SPTBN5: variants seen among roughly 807,000 people sequenced by gnomAD.
SPTBN5 encodes the protein spectrin beta, non-erythrocytic 5, also known as spectrin beta chain, non-erythrocytic 5.
In SPTBN5, 513 loss-of-function variants were observed where a neutral mutation model predicts 477.6. That is an observed-to-expected ratio of 1.07 (90% CI 1.00 to 1.16). The LOEUF (loss-of-function observed/expected upper bound fraction) is 1.16, where lower values mean the gene tolerates loss of function less well. SPTBN5 is among the 50% of genes most tolerant of loss of function. The pLI is 0.00. For missense variants in SPTBN5, 5,062 were observed against 4,731.8 expected (o/e 1.07, Z -2.05); for synonymous variants, 2,169 against 2,011.7 (o/e 1.08, Z -2.09).
Position 41,893,144 on chromosome 15 carries a change from AG to A in SPTBN5, c.217-84del, listed in dbSNP as rs540201802. On this transcript the variant is annotated intron_variant, in intron 2 of 67. Coordinates refer to ENST00000320955, the MANE Select transcript of SPTBN5 (RefSeq NM_016642.4). ...CTGGGACCTGAGAGGTACGACCCAG[AG>A]CAGCTGCTTTGGAAGAAGGAGCTCT... is the stretch of plus-strand genomic sequence containing the variant. 1,906 of 1,572,398 alleles carry A rather than the reference AG, an allele frequency of 1.2e-3. 21 individuals carry two copies. Among genetic ancestry groups the A allele is most frequent in the South Asian group, 7.5e-3 (660 of 87,764 alleles).
intron 3 of SPTBN5, among the ~76,000 whole-genome samples, chr15:41,891,500 C>T (rs2067311589): frequency 6.6e-6 from 1 of 152,236 alleles, no homozygotes; most frequent in Non-Finnish European, 1.5e-5. Flanking sequence ...GCCTATCCTC[C>T]TGACTTCCTA....
chr15:41,883,992 T>C (rs1231958522), intron 7 of SPTBN5, among the ~76,000 whole-genome samples: 1 of 151,288 alleles, frequency 6.6e-6, no homozygotes, highest in Non-Finnish European at 1.5e-5. Flanking sequence ...TATTTTTTAT[T>C]TATTTATTTT....
chr15:41,852,776 G>GT, intron 60 of SPTBN5, 41 bp from the exon 61 acceptor site: 1 of 1,610,982 alleles, frequency 6.2e-7, no homozygotes, highest in African/African-American at 1.3e-5. Context: ...GCTTGGGGGG[G>GT]GGGGCCCAGA....
At position 41,883,139 on chromosome 15, in the gene SPTBN5, C is replaced by G. The variant is rs373646782; in HGVS notation, c.1749G>C (p.Ser583=). ...QRHDLLEAQV[S]AHGAHVSHLA... is the part of the protein sequence containing the mutation. Reference sequence around the variant, plus strand: ...GATGGCTCACATGGGCTCCGTGGGCCGAGACTTGAGCCTCCAGCAGGTCAT... The same window carrying G: ...GATGGCTCACATGGGCTCCGTGGGCGGAGACTTGAGCCTCCAGCAGGTCAT... The change falls in exon 9 of 68, where the codon TCG becomes TCC. Residue 583 remains serine (S), a synonymous_variant. Transcript: ENST00000320955. The G allele has an allele frequency of 6.1e-5, 99 of 1,612,690 alleles. No homozygotes were observed. The highest frequency in any genetic ancestry group is 1.3e-4 in the African/African-American group (10 of 75,064).
chr15:41,893,422 GTTC>G lies in SPTBN5; in HGVS notation c.73_75del (p.Glu25del). ...AGACTTGGACTGGGCGGGACCCGGA[GTTC>G]TGTGCTGGGCCTCCTGCTGCGGTGC... On this transcript the variant is annotated inframe_deletion, in exon 2 of 68. Transcript: ENST00000320955. 6.2e-7 allele frequency: 1 copy of G among 1,613,014 alleles called. No homozygotes were observed. Among genetic ancestry groups the G allele is most frequent in the Non-Finnish European group, 8.5e-7 (1 of 1,179,802 alleles).
intron 12 of SPTBN5, 61 bp downstream of exon 12, chr15:41,881,875 G>C: frequency 6.9e-7 from 1 of 1,452,788 alleles, no homozygotes; most frequent in Non-Finnish European, 9.1e-7. Context: ...TTTGTCCTCT[G>C]TGTGGCCCAG....
At chr15:41,867,505 T>C in intron 35 of SPTBN5, 33 bp downstream of exon 35, 4 of 1,602,252 alleles carry the variant, frequency 2.5e-6, no homozygotes, top group Non-Finnish European at 3.4e-6. Context: ...ACCACCACAC[T>C]CTGACCACGC....
chr15:41,848,800 C>T (rs4078788), intron 67 of SPTBN5, among the ~76,000 whole-genome samples, 172 bp from the exon 68 acceptor site: 8 of 152,142 alleles, frequency 5.3e-5, no homozygotes, highest in Admixed American at 2.0e-4. Context: ...CACAGTGACG[C>T]GTGAGTGGGT....
chr15:41,882,845 C>A, intron 9 of SPTBN5, 107 bp from the exon 10 acceptor site: 1 of 1,432,982 alleles, frequency 7.0e-7, no homozygotes, highest in South Asian at 1.4e-5. Context: ...TTTCTTTTCC[C>A]TGGATGACTC....
At chr15:41,883,839 A>C (rs2067060584) in intron 7 of SPTBN5, among the ~76,000 whole-genome samples, 1 of 152,058 alleles carries the variant, frequency 6.6e-6, no homozygotes, top group African/African-American at 2.4e-5. Flanking sequence ...CACCCAGGCT[A>C]GAATGCAGTG....
chr15:41,849,740 C>A (rs1042727636), intron 67 of SPTBN5, 129 bp downstream of exon 67: 1 of 710,276 alleles, frequency 1.4e-6, no homozygotes, highest in Non-Finnish European at 2.4e-6. Flanking sequence ...GCTGAGGGTT[C>A]CAATAGCATT....
intron 46 of SPTBN5, 124 bp downstream of exon 46, chr15:41,861,295 G>C (rs948284803): frequency 3.7e-6 from 3 of 808,172 alleles, no homozygotes; most frequent in African/African-American, 1.7e-5. Flanking sequence ...TGTGGCCCAG[G>C]GTGGGGAGAT....
chr15:41,855,798 G>C lies in SPTBN5; in HGVS notation c.9022-53C>G, dbSNP rs990386415. ...TTCCCGGGGCACCCTCCAGGGCTCA[G>C]GATTTACAGCCACGATTCTCAGCCT... On this transcript the variant is annotated intron_variant, in intron 53 of 67. Transcript: ENST00000320955. 3.4e-6 allele frequency: 5 copies of C among 1,469,054 alleles called. No homozygotes were observed. The Admixed American group carries it at 9.4e-5, about 28-fold the overall frequency. The allele number at this position is 1,469,054 out of a possible 1,614,324, so 91.0% of individuals were successfully genotyped here. A position where few individuals can be genotyped will look rare whatever the true frequency, so the allele number is the denominator to read the frequency against.
intron 6 of SPTBN5, among the ~76,000 whole-genome samples, chr15:41,886,797 A>G (rs2067167200): frequency 6.6e-6 from 1 of 152,224 alleles, no homozygotes; most frequent in Non-Finnish European, 1.5e-5. Context: ...AGCCTCTGCC[A>G]TCGTGTCCAG....
Position 41,877,309 on chromosome 15 carries a change from C to T in SPTBN5, c.3518G>A (p.Cys1173Tyr). 6.2e-7 allele frequency: 1 copy of T among 1,612,128 alleles called. No homozygotes were observed. The highest frequency in any genetic ancestry group is 8.5e-7 in the Non-Finnish European group (1 of 1,179,158). Residue 1173 changes from cysteine (C) to tyrosine (Y), a missense_variant, in exon 18 of 68, where the codon TGC (cysteine) becomes TAC (tyrosine). Cys to Tyr is a radical substitution (Grantham distance 194, BLOSUM62 -2). Coordinates refer to ENST00000320955, the MANE Select transcript of SPTBN5 (RefSeq NM_016642.4). ...GTTGGGCACCTCTTGGGAGTCTGGG[C>T]AGTCCAAGGCTGCCATGGGCTGGCT... is the stretch of plus-strand genomic sequence containing the variant. ...AQSQPMAALDCPDSQEVPNTL... is the reference protein window; with the variant it reads ...AQSQPMAALDYPDSQEVPNTL...
At chr15:41,883,623 G>C (rs1331802682) in intron 7 of SPTBN5, 137 bp from the exon 8 acceptor site, 1 of 982,644 alleles carries the variant, frequency 1.0e-6, no homozygotes, top group African/African-American at 1.6e-5. Context: ...TATGGACTCT[G>C]ACAGCATCCT....
chr15:41,867,605 T>C lies in SPTBN5; in HGVS notation c.6245A>G (p.Glu2082Gly), dbSNP rs746526525. The change falls in exon 35 of 68, where the codon GAA (glutamate) becomes GGA (glycine). Residue 2082 changes from glutamate (E) to glycine (G), a missense_variant. By Grantham distance (98) the Glu-to-Gly change is moderately conservative. Coordinates refer to ENST00000320955, the MANE Select transcript of SPTBN5 (RefSeq NM_016642.4). ...LKTSALGSSV[E>G]EVEQLIRKHE... ...CTTGCGAATCAACTGCTCTACCTCT[T>C]CCACCGAGCTCCCCAAGGCACTGGT... The C allele has an allele frequency of 1.3e-5, 21 of 1,613,392 alleles. No individual in the cohort carries two copies. Among genetic ancestry groups the C allele is most frequent in the Non-Finnish European group, 1.7e-5 (20 of 1,179,828 alleles).
chr15:41,872,349 C>G lies in SPTBN5; in HGVS notation c.5118G>C (p.Glu1706Asp). 1 of 1,611,498 alleles carries G rather than the reference C, an allele frequency of 6.2e-7. No homozygotes were observed. Among genetic ancestry groups the G allele is most frequent in the Non-Finnish European group, 8.5e-7 (1 of 1,179,704 alleles). ...EVPEQQRVVQERLREQLRALQ... is the reference protein window; with the variant it reads ...EVPEQQRVVQDRLREQLRALQ... ...GTGCCCGCAGCTGCTCCCGGAGCCT[C>G]TCCTGCACCACACGCTGCTGCTCAG... Residue 1706 changes from glutamate (E) to aspartate (D), a missense_variant, in exon 27 of 68, where the codon GAG becomes GAC. Physicochemically the swap from Glu to Asp is conservative, Grantham distance 45. Transcript: ENST00000320955.
rs1371304172 is a variant in SPTBN5 at position 41,849,933 on chromosome 15, C to T, written c.10948G>A (p.Ala3650Thr). ...TCATTCAGAGAGCTGACAGGTTTGGCTTTGAGTTTTGGGCTCAGACTCTGG... is the reference window on the plus strand; with the variant it reads ...TCATTCAGAGAGCTGACAGGTTTGGTTTTGAGTTTTGGGCTCAGACTCTGG... ...AAQSLSPKLK[A>T]KPVSSLNECT... Residue 3650 changes from alanine (A) to threonine (T), a missense_variant, in exon 67 of 68, where the codon GCC becomes ACC. Physicochemically the swap from Ala to Thr is moderately conservative, Grantham distance 58. Transcript: ENST00000320955. The T allele has an allele frequency of 1.9e-6, 3 of 1,596,112 alleles. No homozygotes were observed. In the African/African-American group the frequency reaches 4.0e-5, roughly 21 times the overall value.
Sources: allele counts gnomAD v4.1 joint callset (sites outside exome capture counted in the v4.1 genomes callset), GRCh38; gene constraint gnomAD v4.1.1; transcripts MANE v1.5; gene names NCBI Gene and HGNC (gene_info 2026-07-23, HGNC 2026-07-21).